MYT1L: variants seen among roughly 807,000 people sequenced by gnomAD.
MYT1L encodes myelin transcription factor 1 like.
A neutral mutation model predicts 126.7 loss-of-function variants in MYT1L; 12 were observed. The observed-to-expected ratio is 0.09, with a 90% CI of 0.06 to 0.15. The LOEUF (loss-of-function observed/expected upper bound fraction) is 0.15. Among genes scored for constraint, MYT1L ranks in the 10% least tolerant of loss-of-function variants. MYT1L has a pLI of 1.00. For synonymous variants in MYT1L, 541 were observed against 604.2 expected, an observed-to-expected ratio of 0.90 and a Z score of 1.53; for missense variants, 979 against 1,585.2, an observed-to-expected ratio of 0.62 and a Z score of 6.49.
In MYT1L at chr2:1,922,703, T is replaced by A; in HGVS notation, c.1066A>T (p.Asn356Tyr). The stretch of plus-strand genomic sequence containing the variant: ...TCTGGCCGGACATGCTGACGGATGT[T>A]CATGTTCTGCTGCGGATTCCTCTCC... ...PQERNPQQNM[N>Y]IRQHVRPEED... Residue 356 changes from asparagine to tyrosine, a missense_variant, in exon 10 of 25, where the codon AAC becomes TAC. Coordinates refer to ENST00000647738, the MANE Select transcript of MYT1L (RefSeq NM_001303052.2). The surrounding 1 kb of genome is among the most constrained non-coding windows in gnomAD (Gnocchi z 7.4). The A allele has an allele frequency of 2.5e-6, 4 of 1,613,944 alleles. No individual in the cohort carries two copies. Among genetic ancestry groups the A allele is most frequent in the Non-Finnish European group, 3.4e-6 (4 of 1,179,898 alleles).
chr2:1,884,563 A>C (rs1484666744), intron 18 of MYT1L, among the ~76,000 whole-genome samples: 1 of 152,224 alleles, frequency 6.6e-6, no homozygotes, highest in African/African-American at 2.4e-5. Context: ...TTGAAACATT[A>C]GTGTTTTTAT....
At chr2:2,209,145 T>C (rs1451468368) in intron 2 of MYT1L, among the ~76,000 whole-genome samples, 1 of 152,354 alleles carries the variant, frequency 6.6e-6, no homozygotes, top group East Asian at 1.9e-4. Context: ...TACACATTTA[T>C]GGATTACATG....
At chr2:2,190,456 ATT>A (rs5828867) in intron 2 of MYT1L, among the ~76,000 whole-genome samples, 13 of 149,240 alleles carry the variant, frequency 8.7e-5, no homozygotes, top group South Asian at 4.3e-4. Flanking sequence ...CTGTATGCCT[ATT>A]TTTTTTTTCC....
At chr2:1,823,688 G>A (rs1472136890) in intron 21 of MYT1L, among the ~76,000 whole-genome samples, 2 of 151,704 alleles carry the variant, frequency 1.3e-5, no homozygotes, top group African/African-American at 4.8e-5. Context: ...GAAGACCCGT[G>A]GCTGGCCGCA....
At chr2:2,295,207 G>T (rs896496085) in intron 1 of MYT1L, among the ~76,000 whole-genome samples, 4 of 152,178 alleles carry the variant, frequency 2.6e-5, no homozygotes, top group African/African-American at 7.2e-5. Flanking sequence ...GAGCTCTGTA[G>T]CCCGAGTGTG....
intron 19 of MYT1L, among the ~76,000 whole-genome samples, chr2:1,846,125 TGCCCTGAGGTGC>T (rs764281941): frequency 2.6e-4 from 40 of 152,246 alleles, no homozygotes; most frequent in Admixed American, 1.7e-3. Flanking sequence ...TCAAGGCCAC[TGCCCTGAGGTGC>T]GCCCTCCTGG....
chr2:1,860,028 A>G (rs2044384460), intron 18 of MYT1L, among the ~76,000 whole-genome samples: 1 of 152,234 alleles, frequency 6.6e-6, no homozygotes, highest in African/African-American at 2.4e-5. Flanking sequence ...CCGACCATGC[A>G]GCCTAGGACT....
chr2:2,049,000 A>G (rs1259003688), intron 4 of MYT1L, among the ~76,000 whole-genome samples: 1 of 152,204 alleles, frequency 6.6e-6, no homozygotes, highest in Non-Finnish European at 1.5e-5. Flanking sequence ...ATTTATTTTT[A>G]ACTATCCATA....
intron 2 of MYT1L, among the ~76,000 whole-genome samples, chr2:2,185,072 C>T (rs2091974187): frequency 6.6e-6 from 1 of 152,130 alleles, no homozygotes; most frequent in Non-Finnish European, 1.5e-5. Context: ...TTAGAAAATG[C>T]CCTCATGCTG....
rs769962943 is a variant in MYT1L at position 1,922,725 on chromosome 2, C to G, written c.1044G>C (p.Glu348Asp). 2 of 1,613,918 alleles carry G rather than the reference C, an allele frequency of 1.2e-6. No individual in the cohort carries two copies. The highest frequency in any genetic ancestry group is 2.2e-5 in the South Asian group (2 of 91,082). The change falls in exon 10 of 25, where the codon GAG becomes GAC. Residue 348 changes from glutamate (E) to aspartate (D), a missense_variant. By Grantham distance (45) the Glu-to-Asp change is conservative. This residue lies in a region of MYT1L where 243 missense variants were observed against 363.9 expected (regional missense o/e 0.67). Transcript: ENST00000647738. The surrounding 1 kb of genome is among the most constrained non-coding windows in gnomAD (Gnocchi z 7.4). ...TGTTCATGTTCTGCTGCGGATTCCT[C>G]TCCTGCGGGTTGGTCTCACTGAGCT... The part of the protein sequence containing the change: ...ARKLSETNPQ[E>D]RNPQQNMNIR...
intron 14 of MYT1L, among the ~76,000 whole-genome samples, chr2:1,894,746 C>T (rs900946368): frequency 2.0e-5 from 3 of 152,178 alleles, no homozygotes; most frequent in Non-Finnish European, 2.9e-5. Flanking sequence ...TTGCACTCAG[C>T]GTTGGTGAGG....
At chr2:2,204,013 G>T (rs1319453580) in intron 2 of MYT1L, among the ~76,000 whole-genome samples, 5 of 152,144 alleles carry the variant, frequency 3.3e-5, no homozygotes, top group Non-Finnish European at 5.9e-5. Flanking sequence ...AATGGGGAAG[G>T]CATTCCCTAT....
chr2:2,196,399 T>C (rs1482105929), intron 2 of MYT1L, among the ~76,000 whole-genome samples: 3 of 151,978 alleles, frequency 2.0e-5, no homozygotes, highest in Non-Finnish European at 2.9e-5. Context: ...CAGAGATACA[T>C]GTAGACATGA....
chr2:2,054,275 GACAT>G (rs999149133), intron 3 of MYT1L, among the ~76,000 whole-genome samples, 152 bp from the exon 4 acceptor site: 2 of 152,196 alleles, frequency 1.3e-5, no homozygotes, highest in African/African-American at 4.8e-5. Flanking sequence ...GAGATGATGA[GACAT>G]ACAGAGATGA....
intron 4 of MYT1L, among the ~76,000 whole-genome samples, chr2:2,013,711 A>G (rs891178769): frequency 6.6e-6 from 1 of 152,216 alleles, no homozygotes; most frequent in Non-Finnish European, 1.5e-5. Context: ...TGAAGTACTC[A>G]GAAATGAGGG....
At chr2:2,241,450 C>T (rs1296987536) in intron 2 of MYT1L, among the ~76,000 whole-genome samples, 1 of 152,182 alleles carries the variant, frequency 6.6e-6, no homozygotes, top group African/African-American at 2.4e-5. Flanking sequence ...CTCTGAGCTG[C>T]CTGTCCACAC....
chr2:2,231,772 A>AT (rs2094168509), intron 2 of MYT1L, among the ~76,000 whole-genome samples: 1 of 152,018 alleles, frequency 6.6e-6, no homozygotes, highest in South Asian at 2.1e-4. Context: ...TTATATATAT[A>AT]AAAAAAGCAT....
At chr2:1,843,764 G>C (rs984394075) in intron 19 of MYT1L, among the ~76,000 whole-genome samples, 1 of 152,222 alleles carries the variant, frequency 6.6e-6, no homozygotes, top group Non-Finnish European at 1.5e-5. Context: ...CCGAGCTCCT[G>C]TAGGCCCTGC....
chr2:2,188,222 A>G (rs2092345212), intron 2 of MYT1L, among the ~76,000 whole-genome samples: 1 of 152,230 alleles, frequency 6.6e-6, no homozygotes, highest in South Asian at 2.1e-4. Flanking sequence ...ATTACTCAGT[A>G]TTACCGAAAG....
Sources: gnomAD v4.1 joint callset for allele counts (sites outside exome capture counted in the v4.1 genomes callset) on GRCh38, gnomAD v4.1.1 for gene constraint, gnomAD v4.1.1 regional missense constraint, Gnocchi (gnomAD v3.1) non-coding constraint, MANE v1.5 for transcripts, NCBI Gene and HGNC (gene_info 2026-07-23, HGNC 2026-07-21) for gene names.